The following CDC27 variants were observed in gnomAD, a reference collection of about 807,000 sequenced individuals.
The protein encoded by CDC27 is cell division cycle 27, also known as cell division cycle protein 27 homolog.
A neutral mutation model predicts 109.7 loss-of-function variants in CDC27; 27 were observed. The ratio of observed to expected loss-of-function variants is 0.25; its 90% CI spans 0.18 to 0.34. The LOEUF (loss-of-function observed/expected upper bound fraction) is 0.34, where lower values mean the gene tolerates loss of function less well. Among genes scored for constraint, CDC27 ranks in the 10% least tolerant of loss-of-function variants. CDC27 has a pLI of 1.00. For missense variants in CDC27, 579 were observed against 960.2 expected, an observed-to-expected ratio of 0.60 and a Z score of 5.25; for synonymous variants, 266 against 333.9, an observed-to-expected ratio of 0.80 and a Z score of 2.22.
chr17:47,185,713 T>C (rs1166566820), intron 1 of CDC27, among the ~76,000 whole-genome samples: 1 of 152,118 alleles, frequency 6.6e-6, no homozygotes, highest in Non-Finnish European at 1.5e-5. Flanking sequence ...GCTGCCCTTT[T>C]TTAAAAACCA....
rs2062872094 is a variant in CDC27 at position 47,143,873 on chromosome 17, TTTAAA to T, written c.1170+5_1170+9del. ...TAAGTAAATGTGACATACAGAAATC[TTTAAA>T]TTACCTTGGTTGTGGAGCTGTCACT... On this transcript the variant is annotated splice_donor_5th_base_variant and intron_variant, in intron 10 of 18. Transcript: ENST00000066544. 3 of 1,372,680 alleles carry T rather than the reference TTTAAA, an allele frequency of 2.2e-6. No individual in the cohort carries two copies. The highest frequency in any genetic ancestry group is 2.9e-5 in the African/African-American group (2 of 67,916). The allele number at this position is 1,372,680 out of a possible 1,614,324, so 85.0% of individuals were successfully genotyped here. A position where few individuals can be genotyped will look rare whatever the true frequency, so the allele number is the denominator to read the frequency against.
chr17:47,143,901 A>C lies in CDC27; in HGVS notation c.1152T>G (p.Ser384Arg). The C allele has an allele frequency of 6.8e-7, 1 of 1,468,838 alleles. No individual in the cohort carries two copies. The highest frequency in any genetic ancestry group is 9.1e-7 in the Non-Finnish European group (1 of 1,100,376). 91.0% of individuals were successfully genotyped at this position (1,468,838 alleles called of 1,614,324 possible). ...AAATTACCTTGGTTGTGGAGCTGTCACTAGTAAAGAGTCGTGAACTTCTTC... is the reference window on the plus strand; with the variant it reads ...AAATTACCTTGGTTGTGGAGCTGTCCCTAGTAAAGAGTCGTGAACTTCTTC... ...LPRRSSRLFT[S>R]DSSTTKENSK... Residue 384 changes from serine (S) to arginine (R), a missense_variant, in exon 10 of 19, where the codon AGT becomes AGG. Physicochemically the swap from Ser to Arg is moderately radical, Grantham distance 110. Around this residue, in one of 9 missense-constraint regions of CDC27, gnomAD observed 51 missense variants for 43.8 expected, o/e 1.16. Coordinates refer to ENST00000066544, the MANE Select transcript of CDC27 (RefSeq NM_001256.6).
chr17:47,150,009 G>A (rs2063107554), intron 9 of CDC27, among the ~76,000 whole-genome samples: 1 of 151,842 alleles, frequency 6.6e-6, no homozygotes, highest in Non-Finnish European at 1.5e-5. Flanking sequence ...GACTGTTTAA[G>A]GCAGAAACCA....
chr17:47,133,106 CATATATATATATATAT>C (rs55717332), intron 14 of CDC27, among the ~76,000 whole-genome samples: 1 of 98,024 alleles, frequency 1.0e-5, no homozygotes, highest in Non-Finnish European at 1.9e-5. Context: ...CACAAATATA[CATATATATATATATAT>C]ATATATATAT....
chr17:47,136,963 T>C (rs2062623422), intron 14 of CDC27, among the ~76,000 whole-genome samples, 189 bp downstream of exon 14: 1 of 152,236 alleles, frequency 6.6e-6, no homozygotes, highest in Admixed American at 6.5e-5. Flanking sequence ...TATCATTAGT[T>C]AATTTAAGAG....
In CDC27 at chr17:47,118,843, C is replaced by G. The variant is rs2061928647; in HGVS notation, c.*2092G>C. On this transcript the variant is annotated 3_prime_UTR_variant, in exon 19 of 19. Transcript: ENST00000066544. ...TAGGTATGAGGAAAAATAAAATAGG[C>G]CAAGCTTGGGCGGAAACTGTCCCCC... is the stretch of plus-strand genomic sequence containing the variant. 1 of 152,158 alleles carries G rather than the reference C, an allele frequency of 6.6e-6. No individual in the cohort carries two copies. Among genetic ancestry groups the G allele is most frequent in the Admixed American group, 6.5e-5 (1 of 15,276 alleles). The allele number at this position is 152,158 out of a possible 1,614,324, so 9.4% of individuals were successfully genotyped here.
intron 16 of CDC27, among the ~76,000 whole-genome samples, chr17:47,126,728 C>T (rs2148803759): frequency 6.6e-6 from 1 of 152,216 alleles, no homozygotes. Flanking sequence ...TACTGATTTG[C>T]AATTATAGTA....
At chr17:47,181,490 A>G (rs1598609851) in intron 2 of CDC27, 72 bp downstream of exon 2, 1 of 784,384 alleles carries the variant, frequency 1.3e-6, no homozygotes, top group Middle Eastern at 3.1e-4. Flanking sequence ...ATCTTGTTAC[A>G]GTGATAAAAA....
rs932795527 is a variant in CDC27, at chr17:47,118,548, A to G, written c.*2387T>C. 8.5e-5 allele frequency: 13 copies of G among 152,726 alleles called. No homozygotes were observed. The highest frequency in any genetic ancestry group is 3.4e-3 in the Middle Eastern group (1 of 294). The allele number at this position is 152,726 out of a possible 1,614,324, so 9.5% of individuals were successfully genotyped here. A position where few individuals can be genotyped will look rare whatever the true frequency, so the allele number is the denominator to read the frequency against. On this transcript the variant is annotated 3_prime_UTR_variant, in exon 19 of 19. Coordinates refer to ENST00000066544, the MANE Select transcript of CDC27 (RefSeq NM_001256.6). Reference sequence around the variant, plus strand: ...AAGTAATTGCAGGTTTTGCCATAAAAGTCATGGCAAAAACCACAATTACTT... The same window carrying G: ...AAGTAATTGCAGGTTTTGCCATAAAGGTCATGGCAAAAACCACAATTACTT...
intron 2 of CDC27, among the ~76,000 whole-genome samples, chr17:47,179,718 T>C (rs1213267792): frequency 1.3e-5 from 2 of 152,154 alleles, no homozygotes; most frequent in East Asian, 3.8e-4. Context: ...AACCGAATGG[T>C]GAGGTTCTAT....
chr17:47,180,945 TAAAAAAA>T (rs34061862), intron 2 of CDC27, among the ~76,000 whole-genome samples: 9 of 111,668 alleles, frequency 8.1e-5, no homozygotes, highest in African/African-American at 1.7e-4. Flanking sequence ...ACTCTTTTCT[TAAAAAAA>T]AAAAAAAAAA....
At chr17:47,129,364 A>G in intron 16 of CDC27, 29 bp downstream of exon 16, 2 of 1,552,980 alleles carry the variant, frequency 1.3e-6, no homozygotes, top group South Asian at 1.2e-5. Flanking sequence ...GCAATACAAC[A>G]CTGAAGACCC....
chr17:47,152,364 AC>A (rs1158486651), intron 8 of CDC27, among the ~76,000 whole-genome samples: 1 of 152,200 alleles, frequency 6.6e-6, no homozygotes, highest in Non-Finnish European at 1.5e-5. Flanking sequence ...GCACTTGGTA[AC>A]AGTTCTAAAG....
chr17:47,133,030 C>T (rs866338615), intron 14 of CDC27, among the ~76,000 whole-genome samples: 1,305 of 28,918 alleles, frequency 0.045, 12 homozygotes, highest in East Asian at 0.13. Context: ...TATATATATA[C>T]ACACACACAC....
At chr17:47,144,871 T>A (rs1314911166) in intron 9 of CDC27, among the ~76,000 whole-genome samples, 3 of 149,888 alleles carry the variant, frequency 2.0e-5, no homozygotes, top group African/African-American at 4.9e-5. Context: ...TGTGTGTATA[T>A]CACACACACA....
intron 10 of CDC27, among the ~76,000 whole-genome samples, chr17:47,143,231 T>G (rs2062852900): frequency 6.6e-6 from 1 of 152,228 alleles, no homozygotes; most frequent in Admixed American, 6.5e-5. Flanking sequence ...CCCAAAGTGC[T>G]AGGATTACAG....
intron 4 of CDC27, chr17:47,159,154 C>T: frequency 2.8e-6 from 1 of 356,674 alleles, no homozygotes. Context: ...GTTTTTTTTC[C>T]AGGCTTAATT....
intron 1 of CDC27, among the ~76,000 whole-genome samples, chr17:47,186,752 A>T (rs1299689305): frequency 6.7e-6 from 1 of 150,326 alleles, no homozygotes; most frequent in East Asian, 2.0e-4. Context: ...CTACATTAAA[A>T]CTTTAAAGAA....
At chr17:47,170,614 T>A (rs982183758) in intron 3 of CDC27, among the ~76,000 whole-genome samples, 5 of 152,226 alleles carry the variant, frequency 3.3e-5, no homozygotes, top group African/African-American at 1.2e-4. Flanking sequence ...ATCAATTACA[T>A]TTAGTCTCTG....
Sources: gnomAD v4.1 joint callset for allele counts (sites outside exome capture counted in the v4.1 genomes callset) on GRCh38, gnomAD v4.1.1 for gene constraint, gnomAD v4.1.1 regional missense constraint, MANE v1.5 for transcripts, NCBI Gene and HGNC (gene_info 2026-07-23, HGNC 2026-07-21) for gene names.